The following ZNF346 variants were observed in gnomAD, a reference collection of about 807,000 sequenced individuals.
ZNF346 encodes the protein double-stranded RNA-binding zinc finger protein JAZ.
A neutral mutation model predicts 33.7 loss-of-function variants in ZNF346; 23 were observed. The observed-to-expected ratio is 0.68, with a 90% CI of 0.49 to 0.97. The LOEUF is 0.97. ZNF346 is among the 50% of genes least tolerant of loss of function. ZNF346 has a pLI of 0.00. For synonymous variants in ZNF346, 134 were observed against 142.4 expected (o/e 0.94, Z 0.42); for missense variants, 340 against 371.1 (o/e 0.92, Z 0.69).
At chr5:177,074,886 T>G (rs1310362471) in intron 8 of ZNF346, among the ~76,000 whole-genome samples, 1 of 151,314 alleles carries the variant, frequency 6.6e-6, no homozygotes, top group Middle Eastern at 3.4e-3. Flanking sequence ...GCTAACACGG[T>G]GAAACCCGTC....
At chr5:177,023,344 G>C (rs878949052) in intron 1 of ZNF346, 13 of 834,738 alleles carry the variant, frequency 1.6e-5, no homozygotes, top group Non-Finnish European at 2.3e-5. Flanking sequence ...ACACTTCCGA[G>C]GGCTCTGGAA....
intron 4 of ZNF346, among the ~76,000 whole-genome samples, chr5:177,046,504 C>T (rs1294290826): frequency 6.6e-6 from 1 of 152,110 alleles, no homozygotes; most frequent in Non-Finnish European, 1.5e-5. Context: ...TTTTACTTTT[C>T]ATTTAATTTT....
downstream of ZNF346, among the ~76,000 whole-genome samples, chr5:177,071,775 C>G (rs1783518657): frequency 6.6e-6 from 1 of 152,100 alleles, no homozygotes; most frequent in South Asian, 2.1e-4. Flanking sequence ...AAACCAGATG[C>G]TCTGATGAGC....
At chr5:177,070,341 C>T (rs891882131), downstream of ZNF346, among the ~76,000 whole-genome samples, 1 of 152,100 alleles carries the variant, frequency 6.6e-6, no homozygotes, top group African/African-American at 2.4e-5. Context: ...ATTTTGTAGC[C>T]TCGAATGGCC....
chr5:177,076,997 C>A lies in ZNF346; in HGVS notation c.*3-2385C>A, dbSNP rs571891787. ...CGGAGGTTGCAGTGAGCCGAGATCA[C>A]GCCACTGTACTCCAGCTTGGGCGAC... On this transcript the variant is annotated intron_variant, in intron 8 of 8. Transcript: ENST00000503039. Among the ~76,000 whole-genome samples the A allele has an allele frequency of 1.0e-3, 156 of 152,250 alleles. 1 individual carries two copies. Among genetic ancestry groups the A allele is most frequent in the African/African-American group, 3.4e-3 (143 of 41,538 alleles).
At chr5:177,035,871 C>T (rs1038637623) in intron 1 of ZNF346, among the ~76,000 whole-genome samples, 1 of 151,878 alleles carries the variant, frequency 6.6e-6, no homozygotes, top group Admixed American at 6.6e-5. Context: ...GAACTCCTGG[C>T]CTCGTGATCC....
intron 1 of ZNF346, among the ~76,000 whole-genome samples, chr5:177,038,275 G>GT (rs368833571): frequency 7.4e-6 from 1 of 134,810 alleles, no homozygotes; most frequent in East Asian, 2.6e-4. Context: ...TTTTGTGTGT[G>GT]TGTGTTTTTT....
rs565627513 is a variant in ZNF346 at position 177,075,219 on chromosome 5, T to C, written c.*3-4163T>C. On this transcript the variant is annotated intron_variant, in intron 8 of 8. Coordinates refer to the ZNF346 transcript ENST00000503039. ...TTCAAGACCAGCCTGGACAACATGG[T>C]GAAACCCCGTCTCTATTAAAAATAC... Among the ~76,000 whole-genome samples, 44 of 150,020 alleles carry C rather than the reference T, an allele frequency of 2.9e-4. 1 individual carries two copies. Among genetic ancestry groups the C allele is most frequent in the African/African-American group, 1.1e-3 (43 of 40,734 alleles).
chr5:177,062,053 T>C lies in ZNF346; in HGVS notation c.704-5T>C. 1 of 1,612,832 alleles carries C rather than the reference T, an allele frequency of 6.2e-7. No individual in the cohort carries two copies. The highest frequency in any genetic ancestry group is 8.5e-7 in the Non-Finnish European group (1 of 1,179,128). Reference sequence around the variant, plus strand: ...TACTAAGATCTTGATTTTGATGTGTTTCAGCTGGAAAGGGCTACCCCTGCA... The same window carrying C: ...TACTAAGATCTTGATTTTGATGTGTCTCAGCTGGAAAGGGCTACCCCTGCA... On this transcript the variant is annotated splice_polypyrimidine_tract_variant and splice_region_variant and intron_variant, in intron 5 of 6. Coordinates refer to ENST00000358149, the MANE Select transcript of ZNF346 (RefSeq NM_012279.4).
In ZNF346 at chr5:177,067,235, CCT is replaced by C. The variant is rs1783254901; in HGVS notation, c.*2637_*2638del. Among the ~76,000 whole-genome samples the C allele has an allele frequency of 6.6e-6, 1 of 152,018 alleles. No individual in the cohort carries two copies. The highest frequency in any genetic ancestry group is 2.4e-5 in the African/African-American group (1 of 41,364). ...TCCAGCCTGGACAACAGAGCAAGAC[CCT>C]GTCTCTAAAAATAATAATTTTTAAA... On this transcript the variant is annotated 3_prime_UTR_variant, in exon 7 of 7. Transcript: ENST00000358149.
At chr5:177,070,421 A>C (rs1783447153), downstream of ZNF346, among the ~76,000 whole-genome samples, 1 of 151,256 alleles carries the variant, frequency 6.6e-6, no homozygotes, top group Non-Finnish European at 1.5e-5. Context: ...TCATGGCTCC[A>C]GTGCCTAGGG....
intron 1 of ZNF346, among the ~76,000 whole-genome samples, chr5:177,025,558 C>G (rs940732603): frequency 6.6e-6 from 1 of 152,190 alleles, no homozygotes; most frequent in Non-Finnish European, 1.5e-5. Flanking sequence ...CTTGACAACA[C>G]TTGTCTTTTT....
chr5:177,054,160 C>A (rs1163858424), intron 5 of ZNF346, among the ~76,000 whole-genome samples: 1 of 151,026 alleles, frequency 6.6e-6, no homozygotes, highest in African/African-American at 2.4e-5. Flanking sequence ...GCAGTCGTGA[C>A]CTCCCAGACT....
At chr5:177,035,483 A>G (rs1289012949) in intron 1 of ZNF346, among the ~76,000 whole-genome samples, 3 of 151,346 alleles carry the variant, frequency 2.0e-5, no homozygotes, top group African/African-American at 7.3e-5. Flanking sequence ...TTTTTGAGAC[A>G]GAGTTTTACT....
chr5:177,063,250 G>A (rs1011714058), intron 6 of ZNF346, among the ~76,000 whole-genome samples: 5 of 152,182 alleles, frequency 3.3e-5, no homozygotes, highest in African/African-American at 1.2e-4. Flanking sequence ...TACAGACAAG[G>A]AAACTGAGTT....
intron 1 of ZNF346, among the ~76,000 whole-genome samples, chr5:177,025,987 T>C (rs1340728049): frequency 1.1e-5 from 1 of 90,080 alleles, no homozygotes; most frequent in African/African-American, 3.7e-5. Context: ...TCTTCCTTAT[T>C]ATTATTATTA....
In ZNF346 at chr5:177,075,406, AAAAC is replaced by A. The variant is rs924454368; in HGVS notation, c.*3-3964_*3-3961del. Among the ~76,000 whole-genome samples the A allele has an allele frequency of 3.3e-5, 5 of 151,656 alleles. 1 individual carries two copies. The highest frequency in any genetic ancestry group is 1.3e-4 in the Admixed American group (2 of 15,230). The stretch of plus-strand genomic sequence containing the variant: ...GCGACAGAGCCAGACACCGTCTCAA[AAAAC>A]AAACAAACAAAAAAATCTACACTTT... On this transcript the variant is annotated intron_variant, in intron 8 of 8. Coordinates refer to the ZNF346 transcript ENST00000503039.
At chr5:177,029,902 G>A (rs137955959) in intron 1 of ZNF346, among the ~76,000 whole-genome samples, 5 of 152,306 alleles carry the variant, frequency 3.3e-5, no homozygotes, top group Non-Finnish European at 5.9e-5. Flanking sequence ...GCTCAGTCTT[G>A]TAGGAATAAG....
downstream of ZNF346, among the ~76,000 whole-genome samples, chr5:177,072,812 G>A (rs763223434): frequency 6.8e-5 from 10 of 147,714 alleles, no homozygotes; most frequent in Non-Finnish European, 1.3e-4. Flanking sequence ...TCACACCACT[G>A]TACTCCAGAT....
Sources: allele counts gnomAD v4.1 joint callset (sites outside exome capture counted in the v4.1 genomes callset), GRCh38; gene constraint gnomAD v4.1.1; transcripts MANE v1.5; gene names NCBI Gene and HGNC (gene_info 2026-07-23, HGNC 2026-07-21).